The following OR2M7 variants were observed in gnomAD, a reference collection of about 807,000 sequenced individuals.
OR2M7 encodes the protein olfactory receptor 2M7.
For missense variants in OR2M7, 390 were observed against 386.8 expected (o/e 1.01, Z -0.07); for synonymous variants, 129 against 135.0 (o/e 0.96, Z 0.31).
At position 248,324,000 on chromosome 1, in the gene OR2M7, T is replaced by C; in HGVS notation, c.569A>G (p.Asn190Ser). ...DFPSLLILSC[N>S]DTSIFEEVIF... is the part of the protein sequence containing the mutation. ...AACCTCTTCAAATATTGATGTGTCATTGCATGAGAGGATTAGTAGGGAAGG... is the reference window on the plus strand; with the variant it reads ...AACCTCTTCAAATATTGATGTGTCACTGCATGAGAGGATTAGTAGGGAAGG... Residue 190 changes from asparagine (N) to serine (S), a missense_variant, in exon 1 of 1, where the codon AAT becomes AGT. Coordinates refer to ENST00000317965, the MANE Select transcript of OR2M7 (RefSeq NM_001004691.1). 6.2e-7 allele frequency: 1 copy of C among 1,613,884 alleles called. No homozygotes were observed. The highest frequency in any genetic ancestry group is 8.5e-7 in the Non-Finnish European group (1 of 1,179,820).
chr1:248,323,706 A>G lies in OR2M7; in HGVS notation c.863T>C (p.Leu288Pro), dbSNP rs773429090. 27 of 1,613,118 alleles carry G rather than the reference A, an allele frequency of 1.7e-5. No individual in the cohort carries two copies. The Middle Eastern group carries it at 4.9e-4, about 30-fold the overall frequency. Reference protein sequence around the residue: ...YTIVTPMLNPLIYSLRNKEVT... With the variant: ...YTIVTPMLNPPIYSLRNKEVT... The stretch of plus-strand genomic sequence containing the variant: ...TTCCTTGTTGCGGAGGCTATAAATG[A>G]GAGGATTCAGCATGGGAGTGACGAT... The change falls in exon 1 of 1, where the codon CTC (leucine) becomes CCC (proline). Residue 288 changes from leucine to proline, a missense_variant. Physicochemically the swap from Leu to Pro is moderately conservative, Grantham distance 98 (BLOSUM62 -3). Transcript: ENST00000317965.
At position 248,324,194 on chromosome 1, in the gene OR2M7, G is replaced by A. The variant is rs774084699; in HGVS notation, c.375C>T (p.Ala125=). ...TGGTGTATCTTAGAGGGTGGCAAATGGCAGTGTAGCGGTCATAAGACATAA... is the reference window on the plus strand; with the variant it reads ...TGGTGTATCTTAGAGGGTGGCAAATAGCAGTGTAGCGGTCATAAGACATAA... The part of the protein sequence containing the change: ...LAVMSYDRYT[A]ICHPLRYTNL... Residue 125 remains alanine, a synonymous_variant, in exon 1 of 1, where the codon GCC becomes GCT. Transcript: ENST00000317965. 2.8e-5 allele frequency: 45 copies of A among 1,613,890 alleles called. No homozygotes were observed. In the South Asian group the frequency reaches 4.5e-4, roughly 16 times the overall value.
At position 248,323,875 on chromosome 1, in the gene OR2M7, C is replaced by T. The variant is rs936811883; in HGVS notation, c.694G>A (p.Glu232Lys). ...GTAGTAAAAGCTTTGCGACGTCCCT[C>T]TCCAGATCCCATGTGAATGACAGCC... Reference protein sequence around the residue: ...ILAVIHMGSGEGRRKAFTTCS... With the variant: ...ILAVIHMGSGKGRRKAFTTCS... Residue 232 changes from glutamate to lysine, a missense_variant, in exon 1 of 1, where the codon GAG (glutamate) becomes AAG (lysine). Glu to Lys is a moderately conservative substitution (Grantham distance 56). Coordinates refer to ENST00000317965, the MANE Select transcript of OR2M7 (RefSeq NM_001004691.1). The T allele has an allele frequency of 1.9e-6, 3 of 1,612,650 alleles. No individual in the cohort carries two copies. Among genetic ancestry groups the T allele is most frequent in the South Asian group, 1.1e-5 (1 of 91,040 alleles).
Position 248,324,092 on chromosome 1 carries a change from A to G in OR2M7, c.477T>C (p.Asp159=). ...WILGSTDGII[D]AVATFSFSYC... Reference sequence around the variant, plus strand: ...AGGAGAAGGAAAATGTCGCTACAGCATCAATGATTCCATCTGTAGAGCCCA... The same window carrying G: ...AGGAGAAGGAAAATGTCGCTACAGCGTCAATGATTCCATCTGTAGAGCCCA... The change falls in exon 1 of 1, where the codon GAT becomes GAC. Residue 159 remains aspartate (D), a synonymous_variant. Coordinates refer to ENST00000317965, the MANE Select transcript of OR2M7 (RefSeq NM_001004691.1). 6.2e-7 allele frequency: 1 copy of G among 1,613,972 alleles called. No individual in the cohort carries two copies. Among genetic ancestry groups the G allele is most frequent in the Non-Finnish European group, 8.5e-7 (1 of 1,179,854 alleles).
At position 248,323,715 on chromosome 1, in the gene OR2M7, A is replaced by G. The variant is rs371662956; in HGVS notation, c.854T>C (p.Leu285Pro). The change falls in exon 1 of 1, where the codon CTG (leucine) becomes CCG (proline). Residue 285 changes from leucine to proline, a missense_variant. Coordinates refer to ENST00000317965, the MANE Select transcript of OR2M7 (RefSeq NM_001004691.1). Reference protein sequence around the residue: ...SVFYTIVTPMLNPLIYSLRNK... With the variant: ...SVFYTIVTPMPNPLIYSLRNK... ...GCGGAGGCTATAAATGAGAGGATTC[A>G]GCATGGGAGTGACGATGGTGTAGAA... The G allele has an allele frequency of 1.5e-4, 236 of 1,613,484 alleles. 2 individuals are homozygous for G. The Middle Eastern group carries it at 2.3e-3, about 16-fold the overall frequency.
chr1:248,323,695 G>A lies in OR2M7; in HGVS notation c.874C>T (p.Leu292Phe). The change falls in exon 1 of 1, where the codon CTC becomes TTC. Residue 292 changes from leucine to phenylalanine, a missense_variant. Physicochemically the swap from Leu to Phe is conservative, Grantham distance 22. Transcript: ENST00000317965. ...TPMLNPLIYS[L>F]RNKEVTRALM... ...GCTCTGGTCACTTCCTTGTTGCGGA[G>A]GCTATAAATGAGAGGATTCAGCATG... 1 of 1,612,408 alleles carries A rather than the reference G, an allele frequency of 6.2e-7. No individual in the cohort carries two copies. The highest frequency in any genetic ancestry group is 8.5e-7 in the Non-Finnish European group (1 of 1,179,164).
Position 248,323,872 on chromosome 1 carries a change from C to T in OR2M7, c.697G>A (p.Gly233Arg). The T allele has an allele frequency of 6.2e-7, 1 of 1,612,696 alleles. No individual in the cohort carries two copies. The highest frequency in any genetic ancestry group is 8.5e-7 in the Non-Finnish European group (1 of 1,179,808). The change falls in exon 1 of 1, where the codon GGA becomes AGA. Residue 233 changes from glycine (G) to arginine (R), a missense_variant. Gly to Arg is a moderately radical substitution (Grantham distance 125). Coordinates refer to ENST00000317965, the MANE Select transcript of OR2M7 (RefSeq NM_001004691.1). ...CAAGTAGTAAAAGCTTTGCGACGTC[C>T]CTCTCCAGATCCCATGTGAATGACA... Reference protein sequence around the residue: ...LAVIHMGSGEGRRKAFTTCSS... With the variant: ...LAVIHMGSGERRRKAFTTCSS...
rs769178040 is a variant in OR2M7, at chr1:248,323,971, A to C, written c.598T>G (p.Phe200Val). ...NDTSIFEEVI[F>V]ICCIVMLVFP... Reference sequence around the variant, plus strand: ...ACAAGCATTACTATACAGCAGATGAAAATAACCTCTTCAAATATTGATGTG... The same window carrying C: ...ACAAGCATTACTATACAGCAGATGACAATAACCTCTTCAAATATTGATGTG... Residue 200 changes from phenylalanine to valine, a missense_variant, in exon 1 of 1, where the codon TTC (phenylalanine) becomes GTC (valine). By Grantham distance (50) the Phe-to-Val change is conservative. Transcript: ENST00000317965. 21 of 1,613,752 alleles carry C rather than the reference A, an allele frequency of 1.3e-5. No homozygotes were observed. The highest frequency in any genetic ancestry group is 6.8e-6 in the Non-Finnish European group (8 of 1,179,822).
In OR2M7 at chr1:248,323,805, C is replaced by G. The variant is rs754029346; in HGVS notation, c.764G>C (p.Gly255Ala). 2.5e-6 allele frequency: 4 copies of G among 1,613,474 alleles called. No homozygotes were observed. Among genetic ancestry groups the G allele is most frequent in the South Asian group, 1.1e-5 (1 of 91,060 alleles). Residue 255 changes from glycine to alanine, a missense_variant, in exon 1 of 1, where the codon GGT becomes GCT. Gly to Ala is a moderately conservative substitution (Grantham distance 60). Transcript: ENST00000317965. ...LMVVGMYYGA[G>A]LFMCIQPTSH... ...TGTGGGCTGAATGCACATGAACAAA[C>G]CTGCTCCATAGTACATTCCCACCAC...
At position 248,324,284 on chromosome 1, in the gene OR2M7, A is replaced by T; in HGVS notation, c.285T>A (p.Ala95=). 2 of 1,614,210 alleles carry T rather than the reference A, an allele frequency of 1.2e-6. No individual in the cohort carries two copies. The highest frequency in any genetic ancestry group is 1.7e-6 in the Non-Finnish European group (2 of 1,180,026). The change falls in exon 1 of 1, where the codon GCT becomes GCA. Residue 95 remains alanine, a synonymous_variant. Transcript: ENST00000317965. The part of the protein sequence containing the change: ...YLSGSKSISM[A]GCATQIFFYI... ...AGAAGAAAATTTGTGTGGCACAGCCAGCCATAGAAATGGACTTGCTGCCAG... is the reference window on the plus strand; with the variant it reads ...AGAAGAAAATTTGTGTGGCACAGCCTGCCATAGAAATGGACTTGCTGCCAG...
Position 248,324,256 on chromosome 1 carries a change from T to G in OR2M7, c.313A>C (p.Ile105Leu). 1 of 1,613,990 alleles carries G rather than the reference T, an allele frequency of 6.2e-7. No homozygotes were observed. Among genetic ancestry groups the G allele is most frequent in the African/African-American group, 1.3e-5 (1 of 74,978 alleles). ...AGCATQIFFYISLLGSECFLL... is the reference protein window; with the variant it reads ...AGCATQIFFYLSLLGSECFLL... ...AAGCATTCGGAGCCAAGCAATGATA[T>G]ATAGAAGAAAATTTGTGTGGCACAG... is the stretch of plus-strand genomic sequence containing the variant. The change falls in exon 1 of 1, where the codon ATA becomes CTA. Residue 105 changes from isoleucine (I) to leucine (L), a missense_variant. Ile to Leu is a conservative substitution (Grantham distance 5, BLOSUM62 2). Transcript: ENST00000317965.
chr1:248,324,506 G>A lies in OR2M7; in HGVS notation c.63C>T (p.Ser21=). The A allele has an allele frequency of 6.2e-7, 1 of 1,612,774 alleles. No homozygotes were observed. The highest frequency in any genetic ancestry group is 1.1e-5 in the South Asian group (1 of 90,822). The change falls in exon 1 of 1, where the codon AGC becomes AGT. Residue 21 remains serine (S), a synonymous_variant. Coordinates refer to ENST00000317965, the MANE Select transcript of OR2M7 (RefSeq NM_001004691.1). ...DFLLLGIFNH[S]PTHTFLFFLV... is the part of the protein sequence containing the mutation. Reference sequence around the variant, plus strand: ...GAAAGAAGAGGAAGGTGTGGGTGGGGCTATGATTGAAGATTCCCAGGAGGA... The same window carrying A: ...GAAAGAAGAGGAAGGTGTGGGTGGGACTATGATTGAAGATTCCCAGGAGGA...
At position 248,324,512 on chromosome 1, in the gene OR2M7, A is replaced by G. The variant is rs143153457; in HGVS notation, c.57T>C (p.Asn19=). ...AGAGGAAGGTGTGGGTGGGGCTATG[A>G]TTGAAGATTCCCAGGAGGAGGAAGT... is the stretch of plus-strand genomic sequence containing the variant. The part of the protein sequence containing the change: ...NSDFLLLGIF[N]HSPTHTFLFF... Residue 19 remains asparagine (N), a synonymous_variant, in exon 1 of 1, where the codon AAT becomes AAC. Transcript: ENST00000317965. 1,096 of 1,612,428 alleles carry G rather than the reference A, an allele frequency of 6.8e-4. 9 individuals are homozygous for G. The African/African-American group carries it at 0.013, about 19-fold the overall frequency.
rs62000401 is a variant in OR2M7, at chr1:248,323,742, A to G, written c.827T>C (p.Val276Ala). 26 of 1,613,342 alleles carry G rather than the reference A, an allele frequency of 1.6e-5. No homozygotes were observed. In the Middle Eastern group the frequency reaches 5.0e-4, roughly 31 times the overall value. ...HSPMQDKMVS[V>A]FYTIVTPMLN... ...CATGGGAGTGACGATGGTGTAGAAT[A>G]CAGACACCATCTTGTCCTGCATAGG... Residue 276 changes from valine (V) to alanine (A), a missense_variant, in exon 1 of 1, where the codon GTA becomes GCA. Physicochemically the swap from Val to Ala is moderately conservative, Grantham distance 64. Transcript: ENST00000317965.
Position 248,324,420 on chromosome 1 carries a change from T to C in OR2M7, c.149A>G (p.Tyr50Cys). Reference protein sequence around the residue: ...MGNSIMVLLIYLDTQLHTPMY... With the variant: ...MGNSIMVLLICLDTQLHTPMY... ...GGGGGTGTGGAGCTGGGTATCCAGG[T>C]AGATGAGGAGAACCATGATGGAGTT... The change falls in exon 1 of 1, where the codon TAC (tyrosine) becomes TGC (cysteine). Residue 50 changes from tyrosine (Y) to cysteine (C), a missense_variant. Physicochemically the swap from Tyr to Cys is radical, Grantham distance 194. Coordinates refer to ENST00000317965, the MANE Select transcript of OR2M7 (RefSeq NM_001004691.1). 1 of 1,613,776 alleles carries C rather than the reference T, an allele frequency of 6.2e-7. No individual in the cohort carries two copies. The highest frequency in any genetic ancestry group is 8.5e-7 in the Non-Finnish European group (1 of 1,179,934).
At position 248,324,205 on chromosome 1, in the gene OR2M7, G is replaced by T. The variant is rs764597079; in HGVS notation, c.364C>A (p.Arg122Ser). Residue 122 changes from arginine to serine, a missense_variant, in exon 1 of 1, where the codon CGC (arginine) becomes AGC (serine). Physicochemically the swap from Arg to Ser is moderately radical, Grantham distance 110. Transcript: ENST00000317965. ...CFLLAVMSYD[R>S]YTAICHPLRY... ...AGAGGGTGGCAAATGGCAGTGTAGC[G>T]GTCATAAGACATAACAGCCAACAGA... is the stretch of plus-strand genomic sequence containing the variant. 1.9e-6 allele frequency: 3 copies of T among 1,613,986 alleles called. No homozygotes were observed. The highest frequency in any genetic ancestry group is 2.5e-6 in the Non-Finnish European group (3 of 1,179,932).
Position 248,323,815 on chromosome 1 carries a change from A to T in OR2M7, c.754T>A (p.Tyr252Asn). ...SSHLMVVGMYYGAGLFMCIQP... is the reference protein window; with the variant it reads ...SSHLMVVGMYNGAGLFMCIQP... ...ATGCACATGAACAAACCTGCTCCATAGTACATTCCCACCACCATGAGGTGA... is the reference window on the plus strand; with the variant it reads ...ATGCACATGAACAAACCTGCTCCATTGTACATTCCCACCACCATGAGGTGA... The change falls in exon 1 of 1, where the codon TAT (tyrosine) becomes AAT (asparagine). Residue 252 changes from tyrosine (Y) to asparagine (N), a missense_variant. Physicochemically the swap from Tyr to Asn is moderately radical, Grantham distance 143. Transcript: ENST00000317965. 1.2e-6 allele frequency: 2 copies of T among 1,613,634 alleles called. No individual in the cohort carries two copies. The highest frequency in any genetic ancestry group is 1.1e-5 in the South Asian group (1 of 91,064).
rs1197275256 is a variant in OR2M7, at chr1:248,323,637, C to A, written c.932G>T (p.Gly311Val). The A allele has an allele frequency of 6.4e-7, 1 of 1,572,292 alleles. No individual in the cohort carries two copies. Among genetic ancestry groups the A allele is most frequent in the Admixed American group, 1.9e-5 (1 of 53,946 alleles). The change falls in exon 1 of 1, where the codon GGA becomes GTA. Residue 311 changes from glycine (G) to valine (V), a missense_variant. Transcript: ENST00000317965. ...LMKILGKGKS[G>V]D ...TGAAATTTATGAGGTAACTCAATCT[C>A]CAGACTTGCCCTTTCCTAAGATTTT...
In OR2M7 at chr1:248,323,929, T is replaced by G. The variant is rs1660115958; in HGVS notation, c.640A>C (p.Ile214Leu). ...ATAACTCGAGCATAGGAAGTGATGA[T>G]GATTGCAACAGGGAAAACAAGCATT... ...IVMLVFPVAIIITSYARVILA... is the reference protein window; with the variant it reads ...IVMLVFPVAILITSYARVILA... Residue 214 changes from isoleucine (I) to leucine (L), a missense_variant, in exon 1 of 1, where the codon ATC becomes CTC. Ile to Leu is a conservative substitution (Grantham distance 5). Coordinates refer to ENST00000317965, the MANE Select transcript of OR2M7 (RefSeq NM_001004691.1). 1 of 1,613,214 alleles carries G rather than the reference T, an allele frequency of 6.2e-7. No individual in the cohort carries two copies. The highest frequency in any genetic ancestry group is 8.5e-7 in the Non-Finnish European group (1 of 1,179,850).
Sources: gnomAD v4.1 joint callset for allele counts on GRCh38, gnomAD v4.1.1 for gene constraint, MANE v1.5 for transcripts, NCBI Gene and HGNC (gene_info 2026-07-23, HGNC 2026-07-21) for gene names.